CYP39A1: variants seen among roughly 807,000 people sequenced by gnomAD.
CYP39A1 encodes 24-hydroxycholesterol 7-alpha-hydroxylase.
CYP39A1 carries 49 observed loss-of-function variants against 58.1 expected under a neutral mutation model. The ratio of observed to expected loss-of-function variants is 0.84; its 90% CI spans 0.67 to 1.07. The LOEUF is 1.07. CYP39A1 is among the 50% of genes least tolerant of loss of function. The probability of loss-of-function intolerance (pLI) is 0.00; values close to 1 mark genes in which losing one functional copy is unlikely to be tolerated. For missense variants in CYP39A1, 531 were observed against 539.4 expected, an observed-to-expected ratio of 0.98 and a Z score of 0.16; for synonymous variants, 209 against 187.6, an observed-to-expected ratio of 1.11 and a Z score of -0.93.
intron 10 of CYP39A1, among the ~76,000 whole-genome samples, chr6:46,557,076 A>T (rs941344878): frequency 6.6e-6 from 1 of 152,124 alleles, no homozygotes; most frequent in Non-Finnish European, 1.5e-5. Context: ...ACTGGATGGG[A>T]TTAACAGATG....
chr6:46,598,549 C>A (rs1045262185), intron 7 of CYP39A1, among the ~76,000 whole-genome samples: 1 of 152,086 alleles, frequency 6.6e-6, no homozygotes, highest in African/African-American at 2.4e-5. Flanking sequence ...CAAACTATCC[C>A]AACATTTTCT....
At chr6:46,624,191 T>C (rs931384419) in intron 7 of CYP39A1, among the ~76,000 whole-genome samples, 12 of 152,140 alleles carry the variant, frequency 7.9e-5, no homozygotes, top group African/African-American at 2.7e-4. Flanking sequence ...CTCTCTACTC[T>C]TTTATTTCCT....
At chr6:46,644,103 GC>G (rs1776504529) in intron 1 of CYP39A1, among the ~76,000 whole-genome samples, 1 of 152,088 alleles carries the variant, frequency 6.6e-6, no homozygotes, top group South Asian at 2.1e-4. Context: ...CTTAAATGAT[GC>G]CCTTTTATAG....
intron 10 of CYP39A1, among the ~76,000 whole-genome samples, chr6:46,583,791 G>C (rs1161380682): frequency 6.6e-6 from 1 of 152,096 alleles, no homozygotes; most frequent in Non-Finnish European, 1.5e-5. Flanking sequence ...AGTACATACT[G>C]ACTTAAATCA....
chr6:46,618,900 T>C (rs1205402486), intron 7 of CYP39A1, among the ~76,000 whole-genome samples: 3 of 151,902 alleles, frequency 2.0e-5, no homozygotes, highest in Non-Finnish European at 4.4e-5. Flanking sequence ...AATCAACCAA[T>C]CTAGAACTAC....
chr6:46,599,925 A>G (rs1390392875), intron 7 of CYP39A1, among the ~76,000 whole-genome samples: 2 of 152,106 alleles, frequency 1.3e-5, no homozygotes, highest in Non-Finnish European at 2.9e-5. Context: ...AATGGTAACA[A>G]TGTTTGCCCA....
chr6:46,612,791 G>A (rs1203619819), intron 7 of CYP39A1, among the ~76,000 whole-genome samples: 3 of 152,214 alleles, frequency 2.0e-5, no homozygotes, highest in Non-Finnish European at 4.4e-5. Context: ...TTTGGGCAAT[G>A]CATCGCACAA....
chr6:46,560,065 T>C (rs1311385587), intron 10 of CYP39A1, among the ~76,000 whole-genome samples: 3 of 152,048 alleles, frequency 2.0e-5, no homozygotes, highest in Non-Finnish European at 4.4e-5. Context: ...AGAAGGAAGG[T>C]CTCTCTGATG....
At chr6:46,612,873 G>A (rs1332783051) in intron 7 of CYP39A1, among the ~76,000 whole-genome samples, 1 of 152,208 alleles carries the variant, frequency 6.6e-6, no homozygotes, top group Non-Finnish European at 1.5e-5. Context: ...CAGTTGGGTA[G>A]TGAGCATGAG....
chr6:46,565,187 T>C (rs1482376667), intron 10 of CYP39A1, among the ~76,000 whole-genome samples: 1 of 152,108 alleles, frequency 6.6e-6, no homozygotes, highest in Admixed American at 6.6e-5. Context: ...GACCACATTT[T>C]GAGAATACTG....
intron 7 of CYP39A1, among the ~76,000 whole-genome samples, chr6:46,599,590 A>G (rs1315855822): frequency 2.0e-5 from 3 of 152,134 alleles, no homozygotes; most frequent in East Asian, 1.9e-4. Flanking sequence ...GACAGGAGGT[A>G]TCTTTCCCGC....
intron 10 of CYP39A1, among the ~76,000 whole-genome samples, chr6:46,577,514 A>G (rs1771902417): frequency 6.6e-6 from 1 of 152,160 alleles, no homozygotes; most frequent in Admixed American, 6.5e-5. Flanking sequence ...ACCCAACTGT[A>G]TTCTGTCTTC....
intron 10 of CYP39A1, among the ~76,000 whole-genome samples, chr6:46,557,192 T>TAAAA: frequency 6.6e-6 from 1 of 151,980 alleles, no homozygotes; most frequent in South Asian, 2.1e-4. Context: ...AAATAGGTTA[T>TAAAA]TAACTTATAA....
chr6:46,587,022 G>T, intron 10 of CYP39A1, 55 bp downstream of exon 10: 1 of 1,252,088 alleles, frequency 8.0e-7, no homozygotes, highest in Non-Finnish European at 1.2e-6. Context: ...TCCCCTCTGA[G>T]CCATCATCTT....
intron 7 of CYP39A1, among the ~76,000 whole-genome samples, chr6:46,617,896 A>G (rs1774710566): frequency 6.6e-6 from 1 of 152,206 alleles, no homozygotes; most frequent in African/African-American, 2.4e-5. Context: ...AATATTAGAC[A>G]TAAATAGTCT....
chr6:46,639,701 C>A (rs1476692029), intron 2 of CYP39A1, 33 bp from the exon 3 acceptor site: 3 of 1,562,698 alleles, frequency 1.9e-6, no homozygotes, highest in Admixed American at 3.6e-5. Flanking sequence ...TCAAAATAAG[C>A]AACAACTCCT....
chr6:46,580,938 C>T (rs907492441), intron 10 of CYP39A1, among the ~76,000 whole-genome samples: 2 of 152,080 alleles, frequency 1.3e-5, no homozygotes, highest in South Asian at 2.1e-4. Flanking sequence ...AAAAGCAGTT[C>T]GGAGATTTCT....
intron 6 of CYP39A1, among the ~76,000 whole-genome samples, chr6:46,628,184 G>C (rs537282656): frequency 6.6e-6 from 1 of 152,332 alleles, no homozygotes; most frequent in South Asian, 2.1e-4. Flanking sequence ...TACCATGCCA[G>C]AGAGTCTTCT....
At chr6:46,624,841 A>T (rs1775205682) in intron 7 of CYP39A1, among the ~76,000 whole-genome samples, 1 of 152,212 alleles carries the variant, frequency 6.6e-6, no homozygotes, top group Admixed American at 6.5e-5. Context: ...ATAAATAAAC[A>T]GCTGACATCT....
Sources: allele counts gnomAD v4.1 joint callset (sites outside exome capture counted in the v4.1 genomes callset), GRCh38; gene constraint gnomAD v4.1.1; transcripts MANE v1.5; gene names NCBI Gene and HGNC (gene_info 2026-07-23, HGNC 2026-07-21).